The following MND1 variants were observed in gnomAD, a reference collection of about 807,000 sequenced individuals.
The protein encoded by MND1 is meiotic nuclear division protein 1 homolog.
Under a neutral mutation model 35.1 loss-of-function variants are expected in MND1, and 28 were observed. That is an observed-to-expected ratio of 0.80 (90% confidence interval 0.59 to 1.09). The LOEUF is 1.09. MND1 is among the 50% of genes least tolerant of loss of function. The pLI is 0.00. For synonymous variants in MND1, 69 were observed against 70.5 expected, an observed-to-expected ratio of 0.98 and a Z score of 0.11; for missense variants, 213 against 239.6, an observed-to-expected ratio of 0.89 and a Z score of 0.73.
intron 4 of MND1, among the ~76,000 whole-genome samples, chr4:153,370,289 G>T (rs554472190): frequency 6.6e-6 from 1 of 151,898 alleles, no homozygotes; most frequent in Admixed American, 6.6e-5. Context: ...CTCAAAAAAA[G>T]AAGCAATTTC....
chr4:153,352,432 G>A (rs893554631), intron 2 of MND1, among the ~76,000 whole-genome samples: 9 of 152,094 alleles, frequency 5.9e-5, no homozygotes, highest in African/African-American at 2.2e-4. Flanking sequence ...CAATAGCTTC[G>A]TGACCTTTAA....
intron 4 of MND1, among the ~76,000 whole-genome samples, chr4:153,369,775 A>T (rs1773746432): frequency 1.3e-5 from 2 of 151,976 alleles, no homozygotes; most frequent in South Asian, 4.1e-4. Flanking sequence ...TTCACAAAAG[A>T]TTTCTCTGTA....
chr4:153,385,017 A>G (rs1158525829), intron 4 of MND1, among the ~76,000 whole-genome samples: 1 of 152,254 alleles, frequency 6.6e-6, no homozygotes, highest in Non-Finnish European at 1.5e-5. Flanking sequence ...ATATTCAACA[A>G]ACATCCAGTA....
At chr4:153,347,263 G>A (rs550256208) in intron 1 of MND1, among the ~76,000 whole-genome samples, 1 of 152,206 alleles carries the variant, frequency 6.6e-6, no homozygotes, top group Non-Finnish European at 1.5e-5. Context: ...GAGCAGTCCT[G>A]GACCCTAGCT....
chr4:153,397,855 A>G (rs1024184462), intron 6 of MND1, among the ~76,000 whole-genome samples: 22 of 152,200 alleles, frequency 1.4e-4, no homozygotes, highest in Non-Finnish European at 4.4e-5. Context: ...AGAGCATTGA[A>G]CAGCGACAAT....
intron 6 of MND1, among the ~76,000 whole-genome samples, chr4:153,401,333 A>G (rs568375066): frequency 6.6e-6 from 1 of 152,316 alleles, no homozygotes; most frequent in Non-Finnish European, 1.5e-5. Context: ...TACAGTCCCA[A>G]ATGGAGTATG....
At chr4:153,347,593 C>T (rs1015871202) in intron 1 of MND1, among the ~76,000 whole-genome samples, 3 of 152,110 alleles carry the variant, frequency 2.0e-5, no homozygotes, top group Non-Finnish European at 4.4e-5. Flanking sequence ...TGTGCTGATA[C>T]GGACAAGTAA....
intron 4 of MND1, among the ~76,000 whole-genome samples, chr4:153,373,454 A>T (rs1180737218): frequency 6.6e-6 from 1 of 152,190 alleles, no homozygotes; most frequent in Admixed American, 6.5e-5. Flanking sequence ...GATTTCACAT[A>T]ATTTCTACTT....
At chr4:153,384,433 C>A (rs1460039192) in intron 4 of MND1, among the ~76,000 whole-genome samples, 1 of 112,470 alleles carries the variant, frequency 8.9e-6, no homozygotes, top group Non-Finnish European at 1.8e-5. Flanking sequence ...CCATGCCCAG[C>A]TAATGTTTAA....
chr4:153,390,293 G>C lies in MND1; in HGVS notation c.277-3969G>C, dbSNP rs1345139142. Among the ~76,000 whole-genome samples, 5 of 152,098 alleles carry C rather than the reference G, an allele frequency of 3.3e-5. No individual in the cohort carries two copies. In the East Asian group the frequency reaches 9.7e-4, roughly 29 times the overall value. On this transcript the variant is annotated intron_variant, in intron 4 of 7. Transcript: ENST00000240488. ...AGTGAGCCAAGAATCCTTCACTATT[G>C]AGTTGAACCAAATTATTTCAGTACT... is the stretch of plus-strand genomic sequence containing the variant.
intron 4 of MND1, among the ~76,000 whole-genome samples, chr4:153,379,384 T>G (rs1728605951): frequency 6.6e-6 from 1 of 151,268 alleles, no homozygotes; most frequent in Admixed American, 6.6e-5. Context: ...GATATTTCCA[T>G]TTTTTAAGTA....
At chr4:153,408,410 C>T (rs1466083718) in intron 6 of MND1, among the ~76,000 whole-genome samples, 1 of 152,192 alleles carries the variant, frequency 6.6e-6, no homozygotes. Flanking sequence ...GGCATTGTTA[C>T]ATGCTGTGCA....
At chr4:153,393,368 C>CT (rs60689772) in intron 4 of MND1, among the ~76,000 whole-genome samples, 7,073 of 125,242 alleles carry the variant, frequency 0.056, 324 homozygotes, top group South Asian at 0.12. Context: ...CAATTTCTTT[C>CT]TTTTTTTTTT....
intron 4 of MND1, among the ~76,000 whole-genome samples, chr4:153,389,598 T>A (rs1379550627): frequency 1.3e-5 from 2 of 152,174 alleles, no homozygotes; most frequent in African/African-American, 4.8e-5. Flanking sequence ...TGACCTCAAG[T>A]GATCCACCTG....
chr4:153,366,513 CAATT>C (rs1362555284), intron 4 of MND1, among the ~76,000 whole-genome samples: 1 of 152,196 alleles, frequency 6.6e-6, no homozygotes, highest in East Asian at 1.9e-4. Flanking sequence ...ATCAAGTAGA[CAATT>C]AAATATATGA....
chr4:153,362,448 A>G (rs1009063535), intron 4 of MND1, among the ~76,000 whole-genome samples: 12 of 152,312 alleles, frequency 7.9e-5, no homozygotes, highest in African/African-American at 2.6e-4. Flanking sequence ...TGCTTCTGCC[A>G]TGTAAAATGC....
intron 2 of MND1, among the ~76,000 whole-genome samples, chr4:153,352,560 A>G (rs959291891): frequency 6.6e-6 from 1 of 152,086 alleles, no homozygotes; most frequent in East Asian, 1.9e-4. Context: ...AACAATGCCC[A>G]GGTCGTAAGT....
intron 6 of MND1, among the ~76,000 whole-genome samples, chr4:153,406,422 T>C (rs970423247): frequency 7.9e-5 from 12 of 151,962 alleles, no homozygotes; most frequent in African/African-American, 2.9e-4. Flanking sequence ...CTCGGGAGGC[T>C]GAGGCAGGAG....
intron 6 of MND1, among the ~76,000 whole-genome samples, chr4:153,398,898 A>T (rs1157195816): frequency 6.6e-6 from 1 of 152,212 alleles, no homozygotes; most frequent in East Asian, 1.9e-4. Flanking sequence ...CCTGCGTATG[A>T]TTCATCTTCA....
Sources: allele counts gnomAD v4.1 joint callset (sites outside exome capture counted in the v4.1 genomes callset), GRCh38; gene constraint gnomAD v4.1.1; transcripts MANE v1.5; gene names NCBI Gene and HGNC (gene_info 2026-07-23, HGNC 2026-07-21).